Variants in FAM222B observed in about 807,000 individuals in gnomAD.
The protein encoded by FAM222B is family with sequence similarity 222 member B.
A neutral mutation model predicts 38.0 loss-of-function variants in FAM222B; 12 were observed. That is an observed-to-expected ratio of 0.32 (90% confidence interval 0.20 to 0.51). The LOEUF is 0.51. Among genes scored for constraint, FAM222B ranks in the 20% least tolerant of loss-of-function variants. FAM222B has a pLI of 0.97. For synonymous variants in FAM222B, 329 were observed against 317.2 expected, an observed-to-expected ratio of 1.04 and a Z score of -0.40; for missense variants, 716 against 754.2, an observed-to-expected ratio of 0.95 and a Z score of 0.59.
At chr17:28,813,420 A>G (rs2037890673) in intron 1 of FAM222B, among the ~76,000 whole-genome samples, 1 of 152,196 alleles carries the variant, frequency 6.6e-6, no homozygotes, top group Non-Finnish European at 1.5e-5. Flanking sequence ...CCTTTTTGCT[A>G]TAAAGTATAT....
chr17:28,790,842 C>G (rs28634990), intron 1 of FAM222B, among the ~76,000 whole-genome samples: 1 of 131,876 alleles, frequency 7.6e-6, no homozygotes, highest in African/African-American at 2.9e-5. Context: ...AAAATTATTT[C>G]TAGCATACTT....
intron 1 of FAM222B, among the ~76,000 whole-genome samples, chr17:28,817,958 T>G (rs1394790627): frequency 6.6e-6 from 1 of 152,166 alleles, no homozygotes; most frequent in East Asian, 1.9e-4. Flanking sequence ...AACCTATACC[T>G]AGATGGTATC....
At chr17:28,831,570 G>A (rs1282778771) in intron 1 of FAM222B, among the ~76,000 whole-genome samples, 1 of 144,922 alleles carries the variant, frequency 6.9e-6, no homozygotes, top group Non-Finnish European at 1.5e-5. Context: ...GCAGTGTTGC[G>A]ATCTTGGTTC....
At position 28,771,675 on chromosome 17, in the gene FAM222B, C is replaced by T. The variant is rs116269340; in HGVS notation, c.-40-4968G>A. 2.5e-3 allele frequency among the ~76,000 whole-genome samples: 384 copies of T among 152,000 alleles called. 3 individuals are homozygous for T. Among genetic ancestry groups the T allele is most frequent in the African/African-American group, 8.3e-3 (346 of 41,456 alleles). ...CAGCCCGGGAAACAGTGCGAGACTC[C>T]GTCTTAACATGAAAAACATGAACAG... On this transcript the variant is annotated intron_variant, in intron 1 of 2. Coordinates refer to ENST00000581407, the MANE Select transcript of FAM222B (RefSeq NM_001077498.3).
upstream of FAM222B, among the ~76,000 whole-genome samples, chr17:28,845,793 G>A (rs2039141597): frequency 6.6e-6 from 1 of 150,972 alleles, no homozygotes; most frequent in South Asian, 2.1e-4. Context: ...TACTTGGGGG[G>A]CTGAGGTGGG....
chr17:28,790,896 T>G (rs1471670663), intron 1 of FAM222B, among the ~76,000 whole-genome samples: 11 of 102,086 alleles, frequency 1.1e-4, no homozygotes, highest in Admixed American at 7.9e-4. Flanking sequence ...TTTTTTTTTT[T>G]TTTTTTTTTT....
intron 1 of FAM222B, among the ~76,000 whole-genome samples, chr17:28,795,113 A>G (rs1471304954): frequency 6.6e-6 from 1 of 151,858 alleles, no homozygotes; most frequent in Non-Finnish European, 1.5e-5. Flanking sequence ...AAAAACCCTA[A>G]AATTCCTATA....
chr17:28,800,370 G>A (rs1466938115), intron 1 of FAM222B, among the ~76,000 whole-genome samples: 2 of 152,052 alleles, frequency 1.3e-5, no homozygotes, highest in Non-Finnish European at 2.9e-5. Context: ...TGAAAGATGA[G>A]CAGATGTGGA....
intron 1 of FAM222B, among the ~76,000 whole-genome samples, chr17:28,820,462 A>T (rs1345511027): frequency 6.6e-6 from 1 of 152,158 alleles, no homozygotes; most frequent in African/African-American, 2.4e-5. Context: ...ACCTATAGCA[A>T]GTTAAAATGT....
chr17:28,783,189 C>A (rs1797692766), intron 1 of FAM222B, among the ~76,000 whole-genome samples: 1 of 147,670 alleles, frequency 6.8e-6, no homozygotes, highest in South Asian at 2.1e-4. Flanking sequence ...TTTAGGATAA[C>A]ATACAAATTA....
At chr17:28,837,760 C>G (rs1214209877) in intron 1 of FAM222B, among the ~76,000 whole-genome samples, 1 of 151,702 alleles carries the variant, frequency 6.6e-6, no homozygotes, top group East Asian at 2.0e-4. Context: ...TCAAGCGATT[C>G]TCCCGCCTCA....
intron 1 of FAM222B, among the ~76,000 whole-genome samples, chr17:28,781,915 G>A (rs749429658): frequency 1.3e-5 from 2 of 152,118 alleles, no homozygotes; most frequent in Non-Finnish European, 2.9e-5. Flanking sequence ...AGAGAAACAA[G>A]TTCAAGAGAT....
At chr17:28,764,665 T>C (rs2035244877) in intron 2 of FAM222B, among the ~76,000 whole-genome samples, 1 of 151,962 alleles carries the variant, frequency 6.6e-6, no homozygotes, top group South Asian at 2.1e-4. Flanking sequence ...GAGAATCGCT[T>C]GAACCCAGAA....
chr17:28,847,532 T>G (rs1042558040), upstream of FAM222B, among the ~76,000 whole-genome samples: 6 of 152,012 alleles, frequency 3.9e-5, no homozygotes, highest in Non-Finnish European at 8.8e-5. Flanking sequence ...AAGTGGAGGT[T>G]GCAGTGAGCC....
At chr17:28,770,522 C>G (rs1308306564) in intron 1 of FAM222B, among the ~76,000 whole-genome samples, 1 of 152,096 alleles carries the variant, frequency 6.6e-6, no homozygotes, top group Non-Finnish European at 1.5e-5. Flanking sequence ...CCTGCCTCAG[C>G]CTCCCAAGCA....
chr17:28,848,873 C>T (rs1056385295), intron 1 of FAM222B: 2 of 152,244 alleles, frequency 1.3e-5, no homozygotes, highest in Admixed American at 6.6e-5. Context: ...ACCTTCCCCT[C>T]TCCCCTGGGA....
chr17:28,798,253 G>A (rs2151892198), intron 1 of FAM222B, among the ~76,000 whole-genome samples: 1 of 152,090 alleles, frequency 6.6e-6, no homozygotes, highest in Non-Finnish European at 1.5e-5. Flanking sequence ...GTGATGGCGT[G>A]CACCTACAAT....
At chr17:28,815,238 G>A (rs1449870275) in intron 1 of FAM222B, among the ~76,000 whole-genome samples, 1 of 148,950 alleles carries the variant, frequency 6.7e-6, no homozygotes, top group East Asian at 2.0e-4. Context: ...TTTAAAGACA[G>A]AGTCTCGCTC....
At chr17:28,825,935 C>T (rs1032278543) in intron 1 of FAM222B, among the ~76,000 whole-genome samples, 3 of 151,836 alleles carry the variant, frequency 2.0e-5, no homozygotes, top group South Asian at 2.1e-4. Flanking sequence ...CCACCATGCC[C>T]GCCTAATTTT....
Sources: gnomAD v4.1 joint callset for allele counts (sites outside exome capture counted in the v4.1 genomes callset) on GRCh38, gnomAD v4.1.1 for gene constraint, MANE v1.5 for transcripts, NCBI Gene and HGNC (gene_info 2026-07-23, HGNC 2026-07-21) for gene names.